Variants in MGAT4A observed in about 807,000 individuals in gnomAD.
The protein encoded by MGAT4A is alpha-1,3-mannosyl-glycoprotein 4-beta-N-acetylglucosaminyltransferase A.
Under a neutral mutation model 74.1 loss-of-function variants are expected in MGAT4A, and 33 were observed. The observed-to-expected ratio is 0.45, with a 90% CI of 0.34 to 0.60. MGAT4A has a LOEUF of 0.60. Among genes scored for constraint, MGAT4A ranks in the 20% least tolerant of loss-of-function variants. The pLI, the probability that MGAT4A is intolerant of heterozygous loss-of-function variation, is 0.02. For synonymous variants in MGAT4A, 198 were observed against 210.4 expected (o/e 0.94, Z 0.51); for missense variants, 479 against 628.3 (o/e 0.76, Z 2.54).
chr2:98,705,799 C>T (rs986356638), intron 2 of MGAT4A, among the ~76,000 whole-genome samples: 6 of 151,764 alleles, frequency 4.0e-5, no homozygotes, highest in Admixed American at 1.3e-4. Flanking sequence ...AAAAATTAGC[C>T]GGGCGCGGTG....
rs746534525 is a variant in MGAT4A, at chr2:98,625,562, A to G, written c.*4T>C. The G allele has an allele frequency of 7.5e-6, 12 of 1,609,144 alleles. No homozygotes were observed. The highest frequency in any genetic ancestry group is 1.1e-5 in the South Asian group (1 of 89,794). ...AGGAAAAAATGTGTTGGTTTCTCAG[A>G]TGATCAGTTGGTGGCTTTTTTAATA... On this transcript the variant is annotated 3_prime_UTR_variant, in exon 16 of 16. Transcript: ENST00000393487.
At position 98,624,485 on chromosome 2, in the gene MGAT4A, G is replaced by C; in HGVS notation, c.*1081C>G. The C allele has an allele frequency of 1.0e-6, 1 of 971,478 alleles. No homozygotes were observed. The highest frequency in any genetic ancestry group is 1.2e-6 in the Non-Finnish European group (1 of 817,432). The allele number at this position is 971,478 out of a possible 1,614,324, so 60.2% of individuals were successfully genotyped here. A position where few individuals can be genotyped will look rare whatever the true frequency, so the allele number is the denominator to read the frequency against. On this transcript the variant is annotated 3_prime_UTR_variant, in exon 16 of 16. Coordinates refer to ENST00000393487, the MANE Select transcript of MGAT4A (RefSeq NM_012214.3). ...TTCATACTACAATAAAATCATTTTG[G>C]AAAATATACTACTAATAATATATTT...
At chr2:98,715,640 G>A (rs1445489110) in intron 2 of MGAT4A, among the ~76,000 whole-genome samples, 1 of 152,174 alleles carries the variant, frequency 6.6e-6, no homozygotes, top group Non-Finnish European at 1.5e-5. Flanking sequence ...GGGGCCTTTT[G>A]GAGGGTGGAG....
Position 98,625,288 on chromosome 2 carries a change from A to C in MGAT4A, c.*278T>G. 9.1e-7 allele frequency: 1 copy of C among 1,104,470 alleles called. No individual in the cohort carries two copies. The allele number at this position is 1,104,470 out of a possible 1,614,324, so 68.4% of individuals were successfully genotyped here. ...TTTAAAGAATGTAACAATATGTACA[A>C]CTCTTATGTATTAGTATAATACCAA... On this transcript the variant is annotated 3_prime_UTR_variant, in exon 16 of 16. Coordinates refer to ENST00000393487, the MANE Select transcript of MGAT4A (RefSeq NM_012214.3).
intron 2 of MGAT4A, among the ~76,000 whole-genome samples, chr2:98,682,435 A>C (rs994305554): frequency 3.3e-5 from 5 of 151,028 alleles, no homozygotes; most frequent in African/African-American, 9.7e-5. Context: ...AAAAAAAAAA[A>C]AAAAAAAAAA....
chr2:98,651,617 G>A (rs1009741974), intron 8 of MGAT4A, among the ~76,000 whole-genome samples: 7 of 151,946 alleles, frequency 4.6e-5, no homozygotes, highest in Admixed American at 1.3e-4. Context: ...AAAAATCAAC[G>A]AAACACAAAA....
intron 6 of MGAT4A, among the ~76,000 whole-genome samples, 187 bp downstream of exon 6, chr2:98,658,031 C>T (rs1471636756): frequency 2.6e-5 from 4 of 152,050 alleles, no homozygotes; most frequent in Non-Finnish European, 5.9e-5. Flanking sequence ...ACCAATTTAT[C>T]CCATCACATA....
At position 98,678,327 on chromosome 2, in the gene MGAT4A, T is replaced by C; in HGVS notation, c.239A>G (p.Lys80Arg). 7.0e-7 allele frequency: 1 copy of C among 1,435,092 alleles called. No homozygotes were observed. Among genetic ancestry groups the C allele is most frequent in the South Asian group, 1.9e-5 (1 of 52,978 alleles). The allele number at this position is 1,435,092 out of a possible 1,614,324, so 88.9% of individuals were successfully genotyped here. A position where few individuals can be genotyped will look rare whatever the true frequency, so the allele number is the denominator to read the frequency against. ...ACCTGAAAACTTATTCAACGCATCC[T>C]TACTTCCATTTGTTTCTGCTCCTAC... ...KRVGAETNGS[K>R]DALNKFSDNT... is the part of the protein sequence containing the mutation. Residue 80 changes from lysine (K) to arginine (R), a missense_variant, in exon 3 of 16, where the codon AAG becomes AGG. This residue lies in a region of MGAT4A where 205 missense variants were observed against 232.7 expected (regional missense o/e 0.88). Transcript: ENST00000393487.
Position 98,621,307 on chromosome 2 carries a change from C to A in MGAT4A, c.*4259G>T. The A allele has an allele frequency of 7.1e-7, 1 of 1,408,372 alleles. No homozygotes were observed. Among genetic ancestry groups the A allele is most frequent in the Non-Finnish European group, 9.4e-7 (1 of 1,060,678 alleles). The allele number at this position is 1,408,372 out of a possible 1,614,324, so 87.2% of individuals were successfully genotyped here. ...ATGCCTTTCCAAGCCTATGAATGAG[C>A]TTATGGGCTGAATTCAGTTCCCGTG... On this transcript the variant is annotated 3_prime_UTR_variant, in exon 16 of 16. Coordinates refer to ENST00000393487, the MANE Select transcript of MGAT4A (RefSeq NM_012214.3).
chr2:98,705,868 G>A lies in MGAT4A; in HGVS notation c.94+20371C>T, dbSNP rs1014849030. Among the ~76,000 whole-genome samples the A allele has an allele frequency of 5.3e-5, 8 of 151,296 alleles. No homozygotes were observed. In the South Asian group the frequency reaches 1.7e-3, roughly 32 times the overall value. The stretch of plus-strand genomic sequence containing the variant: ...GAGGCAGGAGAATGGCGTGAACCCG[G>A]GAAGCGGAGCTTGCAGTGAGCCGAG... On this transcript the variant is annotated intron_variant, in intron 2 of 15. Coordinates refer to ENST00000393487, the MANE Select transcript of MGAT4A (RefSeq NM_012214.3).
chr2:98,712,297 T>C (rs1241064595), intron 2 of MGAT4A, among the ~76,000 whole-genome samples: 1 of 152,230 alleles, frequency 6.6e-6, no homozygotes, highest in Non-Finnish European at 1.5e-5. Context: ...GAATGTGCTG[T>C]TTTTACCCCA....
chr2:98,714,524 G>C (rs1000580415), intron 2 of MGAT4A, among the ~76,000 whole-genome samples: 1 of 152,192 alleles, frequency 6.6e-6, no homozygotes, highest in Non-Finnish European at 1.5e-5. Flanking sequence ...GGAAATAGCT[G>C]AGGATGCTAT....
At position 98,623,960 on chromosome 2, in the gene MGAT4A, T is replaced by C. The variant is rs1366071143; in HGVS notation, c.*1606A>G. The C allele has an allele frequency of 9.1e-6, 9 of 985,124 alleles. No individual in the cohort carries two copies. The Admixed American group carries it at 3.1e-4, about 34-fold the overall frequency. The allele number at this position is 985,124 out of a possible 1,614,324, so 61.0% of individuals were successfully genotyped here. A position where few individuals can be genotyped will look rare whatever the true frequency, so the allele number is the denominator to read the frequency against. On this transcript the variant is annotated 3_prime_UTR_variant, in exon 16 of 16. Coordinates refer to ENST00000393487, the MANE Select transcript of MGAT4A (RefSeq NM_012214.3). The stretch of plus-strand genomic sequence containing the variant: ...CGTCTGCAACCAACCTGCAACCCAC[T>C]TGTGGCACCCCAGTGTGTCCAAGCA...
chr2:98,664,460 A>G (rs1701796841), intron 4 of MGAT4A, among the ~76,000 whole-genome samples: 1 of 152,180 alleles, frequency 6.6e-6, no homozygotes, highest in Admixed American at 6.5e-5. Context: ...AGTTCAGAAA[A>G]TTAAACCGAA....
At chr2:98,712,915 A>C (rs1702537669) in intron 2 of MGAT4A, among the ~76,000 whole-genome samples, 1 of 152,192 alleles carries the variant, frequency 6.6e-6, no homozygotes, top group East Asian at 1.9e-4. Flanking sequence ...TAATCCCAGC[A>C]CTTTAGCAAG....
chr2:98,684,962 C>T (rs1702108767), intron 2 of MGAT4A, among the ~76,000 whole-genome samples: 1 of 152,102 alleles, frequency 6.6e-6, no homozygotes, highest in Non-Finnish European at 1.5e-5. Flanking sequence ...CTGGGCCGGG[C>T]ATGGTGGCTC....
At chr2:98,699,801 T>C (rs777262168) in intron 2 of MGAT4A, among the ~76,000 whole-genome samples, 56 of 152,182 alleles carry the variant, frequency 3.7e-4, no homozygotes, top group Non-Finnish European at 7.2e-4. Context: ...ACATATGTAG[T>C]ACTGTGAGAC....
chr2:98,693,095 T>C (rs999027699), intron 2 of MGAT4A, among the ~76,000 whole-genome samples: 3 of 152,166 alleles, frequency 2.0e-5, no homozygotes, highest in African/African-American at 7.2e-5. Flanking sequence ...GAAAAGATTT[T>C]GAATTACAGC....
At chr2:98,718,448 A>G (rs1426846829) in intron 2 of MGAT4A, among the ~76,000 whole-genome samples, 1 of 152,380 alleles carries the variant, frequency 6.6e-6, no homozygotes, top group African/African-American at 2.4e-5. Flanking sequence ...CAAATAGCAC[A>G]TGAATAAATG....
Sources: gnomAD v4.1 joint callset for allele counts (sites outside exome capture counted in the v4.1 genomes callset) on GRCh38, gnomAD v4.1.1 for gene constraint, gnomAD v4.1.1 regional missense constraint, MANE v1.5 for transcripts, NCBI Gene and HGNC (gene_info 2026-07-23, HGNC 2026-07-21) for gene names.